Variants in ASH2L observed in about 807,000 individuals in gnomAD.
The protein encoded by ASH2L is ASH2 like, histone lysine methyltransferase complex subunit.
ASH2L carries 30 observed loss-of-function variants against 81.1 expected under a neutral mutation model. The ratio of observed to expected loss-of-function variants is 0.37; its 90% CI spans 0.28 to 0.50. The LOEUF (loss-of-function observed/expected upper bound fraction) is 0.50. Ranked by LOEUF, ASH2L falls within the 20% of genes least tolerant of loss-of-function variation. The probability of loss-of-function intolerance (pLI) is 0.95; values close to 1 mark genes in which losing one functional copy is unlikely to be tolerated. For synonymous variants in ASH2L, 273 were observed against 279.9 expected, an observed-to-expected ratio of 0.98 and a Z score of 0.24; for missense variants, 559 against 792.1, an observed-to-expected ratio of 0.71 and a Z score of 3.53.
At chr8:38,106,210 C>T (rs1810423836) in intron 1 of ASH2L, 168 bp from the exon 2 acceptor site, 5 of 1,438,020 alleles carry the variant, frequency 3.5e-6, no homozygotes, top group African/African-American at 1.4e-5. Context: ...GACATGTCCA[C>T]CTTCTCAGTA....
chr8:38,115,953 A>G (rs963998987), intron 7 of ASH2L, among the ~76,000 whole-genome samples: 2 of 151,944 alleles, frequency 1.3e-5, no homozygotes, highest in African/African-American at 4.8e-5. Flanking sequence ...CAGACTGTGC[A>G]TGGTGGCTCA....
intron 7 of ASH2L, among the ~76,000 whole-genome samples, chr8:38,115,679 G>A (rs185640238): frequency 6.6e-6 from 1 of 152,236 alleles, no homozygotes; most frequent in East Asian, 1.9e-4. Context: ...TTAGATTTCT[G>A]TCTTGTAAAA....
intron 10 of ASH2L, among the ~76,000 whole-genome samples, chr8:38,127,088 G>A (rs1801878342): frequency 6.6e-6 from 1 of 151,424 alleles, no homozygotes; most frequent in Admixed American, 6.6e-5. Flanking sequence ...TTTGAGCCCA[G>A]GAAATCAAGG....
intron 14 of ASH2L, chr8:38,137,378 C>T (rs1305646649): frequency 7.9e-6 from 1 of 125,978 alleles, no homozygotes; most frequent in Non-Finnish European, 1.6e-5. Flanking sequence ...AACCTCATCT[C>T]TCTAAAAATA....
intron 10 of ASH2L, among the ~76,000 whole-genome samples, chr8:38,126,166 A>G (rs1801836789): frequency 6.6e-6 from 1 of 151,416 alleles, no homozygotes; most frequent in Non-Finnish European, 1.5e-5. Flanking sequence ...TTGCACCATC[A>G]CACTCCAGCC....
chr8:38,114,825 T>A, intron 6 of ASH2L, 80 bp from the exon 7 acceptor site: 1 of 927,556 alleles, frequency 1.1e-6, no homozygotes, highest in Non-Finnish European at 1.7e-6. Flanking sequence ...GAATTGACTT[T>A]TAGAGTTAGT....
intron 10 of ASH2L, chr8:38,123,278 G>A (rs1049953341): frequency 1.3e-5 from 2 of 151,736 alleles, no homozygotes; most frequent in South Asian, 2.1e-4. Context: ...TAGAGACGGG[G>A]TTTCACCGTG....
chr8:38,114,051 C>G (rs1239689572), intron 5 of ASH2L, 141 bp from the exon 6 acceptor site: 2 of 557,016 alleles, frequency 3.6e-6, no homozygotes, highest in Non-Finnish European at 6.4e-6. Context: ...ACATGTAAAC[C>G]TTGTATAACA....
intron 14 of ASH2L, among the ~76,000 whole-genome samples, chr8:38,136,997 G>C (rs1335421087): frequency 6.6e-6 from 1 of 151,814 alleles, no homozygotes; most frequent in Non-Finnish European, 1.5e-5. Flanking sequence ...GGAGGCTGAC[G>C]CAGGAGAATC....
At chr8:38,119,110 T>G (rs2275958) in intron 8 of ASH2L, 160 bp from the exon 9 acceptor site, 19,544 of 635,102 alleles carry the variant, frequency 0.031, 1,459 homozygotes, top group East Asian at 0.25. Flanking sequence ...GCTCAGTAGA[T>G]TCTTTGAAAA....
At position 38,110,324 on chromosome 8, in the gene ASH2L, AAG is replaced by A. The variant is rs1231410128; in HGVS notation, c.402-53_402-52del. 2.9e-6 allele frequency: 4 copies of A among 1,365,164 alleles called. No individual in the cohort carries two copies. In the African/African-American group the frequency reaches 5.7e-5, roughly 20 times the overall value. 84.6% of individuals were successfully genotyped at this position (1,365,164 alleles called of 1,614,324 possible). A position where few individuals can be genotyped will look rare whatever the true frequency, so the allele number is the denominator to read the frequency against. On this transcript the variant is annotated intron_variant, in intron 3 of 15. Transcript: ENST00000343823. ...GAGAGCCTGTCTTTAAAAAAAGAAA[AAG>A]AAGTGTGTGTGTTCACAAGTTCACT...
Position 38,106,057 on chromosome 8 carries a change from C to T in ASH2L, c.188+319C>T, listed in dbSNP as rs1353442118. On this transcript the variant is annotated intron_variant, in intron 1 of 15. Transcript: ENST00000343823. Reference sequence around the variant, plus strand: ...AAAGAAACCACTTTGCAGTGCCAGACTGGAAGAAGTAACGGTCACTCTGAA... The same window carrying T: ...AAAGAAACCACTTTGCAGTGCCAGATTGGAAGAAGTAACGGTCACTCTGAA... 54 of 1,525,490 alleles carry T rather than the reference C, an allele frequency of 3.5e-5. No homozygotes were observed. The Middle Eastern group carries it at 5.0e-4, about 14-fold the overall frequency. The allele number at this position is 1,525,490 out of a possible 1,614,324, so 94.5% of individuals were successfully genotyped here.
At chr8:38,133,390 C>T (rs1248658307) in intron 12 of ASH2L, 64 bp from the exon 13 acceptor site, 15 of 1,130,414 alleles carry the variant, frequency 1.3e-5, no homozygotes, top group East Asian at 1.2e-4. Context: ...TGTGCGGATG[C>T]GTTTTTTTCA....
intron 3 of ASH2L, among the ~76,000 whole-genome samples, chr8:38,107,522 C>T (rs1049384667): frequency 3.3e-5 from 5 of 152,098 alleles, no homozygotes; most frequent in Non-Finnish European, 5.9e-5. Flanking sequence ...TGGATAAAGC[C>T]TGTTGTCCAA....
At chr8:38,110,876 A>AG (rs1414016663) in intron 5 of ASH2L, 43 bp downstream of exon 5, 1 of 1,507,808 alleles carries the variant, frequency 6.6e-7, no homozygotes, top group South Asian at 1.2e-5. Context: ...TTGAAGAGTT[A>AG]GGTGGAACTT....
Position 38,114,285 on chromosome 8 carries a change from A to G in ASH2L, c.679A>G (p.Met227Val), listed in dbSNP as rs1810803483. 4.4e-6 allele frequency: 7 copies of G among 1,586,516 alleles called. No homozygotes were observed. Among genetic ancestry groups the G allele is most frequent in the Non-Finnish European group, 6.0e-6 (7 of 1,163,448 alleles). The change falls in exon 6 of 16, where the codon ATG becomes GTG. Residue 227 changes from methionine to valine, a missense_variant and splice_region_variant. Physicochemically the swap from Met to Val is conservative, Grantham distance 21 (BLOSUM62 1). Around this residue, in one of 4 missense-constraint regions of ASH2L, gnomAD observed 318 missense variants for 527.0 expected, o/e 0.60. Coordinates refer to ENST00000343823, the MANE Select transcript of ASH2L (RefSeq NM_004674.5). Reference protein sequence around the residue: ...MTWPNNIVKTMSKERDVFLVK... With the variant: ...MTWPNNIVKTVSKERDVFLVK... The stretch of plus-strand genomic sequence containing the variant: ...TTGGCCAAATAACATTGTTAAAACA[A>G]TGGTAAGTAGATTAAAATTGATTAG...
chr8:38,110,693 G>T, intron 4 of ASH2L, 46 bp from the exon 5 acceptor site: 3 of 1,450,508 alleles, frequency 2.1e-6, no homozygotes, highest in South Asian at 1.2e-5. Flanking sequence ...TGGTAGTAGA[G>T]ATGTAGTACT....
chr8:38,117,643 A>G, intron 8 of ASH2L: 1 of 187,678 alleles, frequency 5.3e-6, no homozygotes, highest in Non-Finnish European at 1.0e-5. Flanking sequence ...GTTAGTATTT[A>G]AGAGCTTGTA....
At chr8:38,105,870 C>T (rs1395325970) in intron 1 of ASH2L, 132 bp downstream of exon 1, 2 of 1,439,452 alleles carry the variant, frequency 1.4e-6, no homozygotes, top group African/African-American at 1.5e-5. Context: ...CCTGCCTCTG[C>T]GCCGCTTGGC....
Sources: gnomAD v4.1 joint callset for allele counts (sites outside exome capture counted in the v4.1 genomes callset) on GRCh38, gnomAD v4.1.1 for gene constraint, gnomAD v4.1.1 regional missense constraint, MANE v1.5 for transcripts, NCBI Gene and HGNC (gene_info 2026-07-23, HGNC 2026-07-21) for gene names.